PDPR: variants seen among roughly 807,000 people sequenced by gnomAD.
The protein encoded by PDPR is pyruvate dehydrogenase phosphatase regulatory subunit, also known as pyruvate dehydrogenase phosphatase regulatory subunit, mitochondrial.
PDPR carries 50 observed loss-of-function variants against 102.2 expected under a neutral mutation model. The ratio of observed to expected loss-of-function variants is 0.49; its 90% CI spans 0.39 to 0.62. The LOEUF is 0.62. Among genes scored for constraint, PDPR ranks in the 20% least tolerant of loss-of-function variants. The pLI is 0.00. For synonymous variants in PDPR, 259 were observed against 406.0 expected (o/e 0.64, Z 4.35); for missense variants, 625 against 1,098.2 (o/e 0.57, Z 6.09).
At chr16:70,154,572 C>A (rs1052093624) in intron 18 of PDPR, among the ~76,000 whole-genome samples, 1 of 152,268 alleles carries the variant, frequency 6.6e-6, no homozygotes, top group Non-Finnish European at 1.5e-5. Flanking sequence ...TATGGTGATG[C>A]ATTAACATGC....
chr16:70,158,215 G>A lies in PDPR; in HGVS notation c.*1336G>A, dbSNP rs1967434309. On this transcript the variant is annotated 3_prime_UTR_variant, in exon 19 of 19. Coordinates refer to ENST00000288050, the MANE Select transcript of PDPR (RefSeq NM_017990.5). The stretch of plus-strand genomic sequence containing the variant: ...CTCTGTTTTCCCAAGGTGAAACTTA[G>A]ATATCATGGACTGTTGTCCAGCCTC... 1 of 152,508 alleles carries A rather than the reference G, an allele frequency of 6.6e-6. No individual in the cohort carries two copies. Among genetic ancestry groups the A allele is most frequent in the African/African-American group, 2.4e-5 (1 of 41,470 alleles). 9.4% of individuals were successfully genotyped at this position (152,508 alleles called of 1,614,324 possible). A position where few individuals can be genotyped will look rare whatever the true frequency, so the allele number is the denominator to read the frequency against.
intron 16 of PDPR, 122 bp from the exon 17 acceptor site, chr16:70,148,342 T>C: frequency 1.2e-6 from 1 of 815,938 alleles, no homozygotes; most frequent in South Asian, 1.6e-5. Flanking sequence ...AATTCTTGCC[T>C]TGACGTCTGT....
chr16:70,128,067 T>C (rs62050962), intron 4 of PDPR, among the ~76,000 whole-genome samples: 34,828 of 146,250 alleles, frequency 0.24, 1,156 homozygotes, highest in Non-Finnish European at 0.31. Context: ...TTGGCTATAC[T>C]GGGGAAGAAG....
chr16:70,125,236 C>T (rs1963801640), intron 3 of PDPR, among the ~76,000 whole-genome samples: 2 of 152,368 alleles, frequency 1.3e-5, no homozygotes, highest in East Asian at 3.9e-4. Context: ...TTTAGCCAGG[C>T]ATGGTGGTGC....
intron 18 of PDPR, chr16:70,156,263 G>C (rs1967172758): frequency 1.7e-6 from 1 of 602,472 alleles, no homozygotes; most frequent in South Asian, 2.4e-5. Context: ...GCGTACCTCT[G>C]TTGTTACAAA....
At chr16:70,133,436 A>ATTTTTTTTTTTT (rs1964759526) in intron 9 of PDPR, among the ~76,000 whole-genome samples, 1 of 10,444 alleles carries the variant, frequency 9.6e-5, no homozygotes. Flanking sequence ...TTTTTTTTTG[A>ATTTTTTTTTTTT]GATAAGAGTC....
At chr16:70,125,915 T>G (rs545833462) in intron 3 of PDPR, among the ~76,000 whole-genome samples, 2 of 152,396 alleles carry the variant, frequency 1.3e-5, no homozygotes, top group Admixed American at 1.3e-4. Context: ...ATTATAGATG[T>G]GAACCACTGC....
At chr16:70,132,354 T>C in intron 9 of PDPR, 54 bp downstream of exon 9, 2 of 1,529,818 alleles carry the variant, frequency 1.3e-6, no homozygotes, top group Non-Finnish European at 1.8e-6. Flanking sequence ...AGATGTTATA[T>C]TTTTCAAAGT....
Position 70,157,232 on chromosome 16 carries a change from G to A in PDPR, c.*353G>A, listed in dbSNP as rs527651888. Reference sequence around the variant, plus strand: ...AATTCTGCATCTCAAGGCAGGGCAAGCCGGGGTGGTGCAGGTCTCAGGGCA... The same window carrying A: ...AATTCTGCATCTCAAGGCAGGGCAAACCGGGGTGGTGCAGGTCTCAGGGCA... On this transcript the variant is annotated 3_prime_UTR_variant, in exon 19 of 19. Coordinates refer to ENST00000288050, the MANE Select transcript of PDPR (RefSeq NM_017990.5). 433 of 527,738 alleles carry A rather than the reference G, an allele frequency of 8.2e-4. No homozygotes were observed. Among genetic ancestry groups the A allele is most frequent in the Non-Finnish European group, 1.4e-3 (399 of 275,264 alleles). 32.7% of individuals were successfully genotyped at this position (527,738 alleles called of 1,614,324 possible).
At chr16:70,155,844 C>T (rs1441255093) in intron 18 of PDPR, among the ~76,000 whole-genome samples, 3 of 147,286 alleles carry the variant, frequency 2.0e-5, no homozygotes, top group Admixed American at 7.0e-5. Flanking sequence ...CTGTGTCAAC[C>T]GAGGCTGGAC....
chr16:70,137,509 G>A (rs1001023572), intron 10 of PDPR, among the ~76,000 whole-genome samples: 4 of 152,370 alleles, frequency 2.6e-5, no homozygotes, highest in Middle Eastern at 3.4e-3. Flanking sequence ...TGCCAGAGGC[G>A]GGGGAGGGGA....
At chr16:70,139,834 G>T (rs1240007578) in intron 11 of PDPR, among the ~76,000 whole-genome samples, 5 of 152,260 alleles carry the variant, frequency 3.3e-5, no homozygotes, top group Admixed American at 6.5e-5. Flanking sequence ...CTAAGTTTCT[G>T]TGTTGGCTCT....
rs1967493839 is a variant in PDPR at position 70,158,788 on chromosome 16, G to T, written c.*1909G>T. On this transcript the variant is annotated 3_prime_UTR_variant, in exon 19 of 19. Coordinates refer to ENST00000288050, the MANE Select transcript of PDPR (RefSeq NM_017990.5). The stretch of plus-strand genomic sequence containing the variant: ...CCTTGGGCAGATGCAGGCATTACCA[G>T]CAGGGAGCAGACTTACCTCCGAAGA... The T allele has an allele frequency of 6.5e-6, 1 of 152,974 alleles. No homozygotes were observed. Among genetic ancestry groups the T allele is most frequent in the African/African-American group, 2.4e-5 (1 of 41,482 alleles). The allele number at this position is 152,974 out of a possible 1,614,324, so 9.5% of individuals were successfully genotyped here. A position where few individuals can be genotyped will look rare whatever the true frequency, so the allele number is the denominator to read the frequency against.
intron 16 of PDPR, among the ~76,000 whole-genome samples, chr16:70,146,783 ACTTGAAC>A (rs906004112): frequency 2.7e-5 from 1 of 37,208 alleles, no homozygotes; most frequent in African/African-American, 1.0e-4. Flanking sequence ...CAGGAGAATG[ACTTGAAC>A]CTGGGAGGCA....
intron 17 of PDPR, among the ~76,000 whole-genome samples, chr16:70,152,026 ATCC>A (rs1966775937): frequency 1.3e-5 from 2 of 152,286 alleles, no homozygotes; most frequent in Admixed American, 6.5e-5. Flanking sequence ...TTCCTTGGTC[ATCC>A]TCTTACCTAA....
At chr16:70,147,492 T>C (rs1442120754) in intron 16 of PDPR, 12 of 383,076 alleles carry the variant, frequency 3.1e-5, no homozygotes, top group Non-Finnish European at 4.7e-5. Context: ...AGGGAAGAAA[T>C]GGCGTAGGTG....
intron 16 of PDPR, among the ~76,000 whole-genome samples, chr16:70,148,062 A>G (rs1193064165): frequency 2.0e-5 from 3 of 152,258 alleles, no homozygotes; most frequent in Non-Finnish European, 4.4e-5. Context: ...GGCATCGGGC[A>G]TCATCTTTTG....
rs150049130 is a variant in PDPR at position 70,136,282 on chromosome 16, A to T, written c.1086A>T (p.Thr362=). The T allele has an allele frequency of 2.4e-3, 3,909 of 1,611,252 alleles. 4 individuals carry two copies. Among genetic ancestry groups the T allele is most frequent in the Non-Finnish European group, 3.1e-3 (3,602 of 1,177,488 alleles). ...TGGTGAACTGCCCAGAGACCTTCAC[A>T]CCAGACATGAGGTGCATCATGGGCG... ...MKLVNCPETF[T]PDMRCIMGES... is the part of the protein sequence containing the mutation. The change falls in exon 10 of 19, where the codon ACA becomes ACT. Residue 362 remains threonine (T), a synonymous_variant. Coordinates refer to ENST00000288050, the MANE Select transcript of PDPR (RefSeq NM_017990.5).
At chr16:70,132,920 C>G (rs1964690570) in intron 9 of PDPR, among the ~76,000 whole-genome samples, 1 of 152,224 alleles carries the variant, frequency 6.6e-6, no homozygotes, top group Non-Finnish European at 1.5e-5. Context: ...TCAAGCAATC[C>G]TGCCACATCA....
Sources: allele counts gnomAD v4.1 joint callset (sites outside exome capture counted in the v4.1 genomes callset), GRCh38; gene constraint gnomAD v4.1.1; transcripts MANE v1.5; gene names NCBI Gene and HGNC (gene_info 2026-07-23, HGNC 2026-07-21).